Variants in GAB2 observed in about 807,000 individuals in gnomAD.
The protein encoded by GAB2 is GRB2 associated binding protein 2.
GAB2 carries 26 observed loss-of-function variants against 65.5 expected under a neutral mutation model. The ratio of observed to expected loss-of-function variants is 0.40; its 90% CI spans 0.29 to 0.55. GAB2 has a LOEUF of 0.55. Among genes scored for constraint, GAB2 ranks in the 20% least tolerant of loss-of-function variants. The pLI, the probability that GAB2 is intolerant of heterozygous loss-of-function variation, is 0.53. For synonymous variants in GAB2, 321 were observed against 329.6 expected, an observed-to-expected ratio of 0.97 and a Z score of 0.28; for missense variants, 884 against 875.8, an observed-to-expected ratio of 1.01 and a Z score of -0.12.
In GAB2 at chr11:78,370,712, C is replaced by CCTGTGTGTATGTGT. The variant is rs58668713; in HGVS notation, c.75+46933_75+46934insACACATACACACAG. Among the ~76,000 whole-genome samples the CCTGTGTGTATGTGT allele has an allele frequency of 5.9e-3, 727 of 123,294 alleles. 5 individuals carry two copies. The highest frequency in any genetic ancestry group is 0.02 in the African/African-American group (697 of 34,650). The allele number at this position is 123,294 out of a possible 152,430, so 80.9% of individuals were successfully genotyped here. A position where few individuals can be genotyped will look rare whatever the true frequency, so the allele number is the denominator to read the frequency against. ...ACTACTAATATTGTATGTGTGTGTG[C>CCTGTGTGTATGTGT]GTGTGTGTGTGTATGTGTGTGTGTG... On this transcript the variant is annotated intron_variant, in intron 1 of 9. Coordinates refer to ENST00000361507, the MANE Select transcript of GAB2 (RefSeq NM_080491.3).
At chr11:78,302,005 G>A (rs1259620983) in intron 1 of GAB2, among the ~76,000 whole-genome samples, 1 of 152,136 alleles carries the variant, frequency 6.6e-6, no homozygotes, top group African/African-American at 2.4e-5. Flanking sequence ...GAATGAAACT[G>A]GATCCTCGTC....
intron 1 of GAB2, among the ~76,000 whole-genome samples, chr11:78,303,494 T>A (rs1277446119): frequency 1.3e-5 from 2 of 152,212 alleles, no homozygotes; most frequent in Non-Finnish European, 2.9e-5. Flanking sequence ...GTAGGCCTAT[T>A]TCTAGACTTC....
intron 1 of GAB2, among the ~76,000 whole-genome samples, chr11:78,404,775 A>T (rs2135086254): frequency 6.6e-6 from 1 of 152,380 alleles, no homozygotes; most frequent in South Asian, 2.1e-4. Flanking sequence ...GAAGAGAAGT[A>T]TAAAGAAGGG....
chr11:78,296,590 C>T (rs919368966), intron 1 of GAB2, among the ~76,000 whole-genome samples: 5 of 151,002 alleles, frequency 3.3e-5, no homozygotes, highest in African/African-American at 4.9e-5. Flanking sequence ...ACATGGTACC[C>T]GATATATGAC....
chr11:78,399,280 T>C (rs1198976000), intron 1 of GAB2, among the ~76,000 whole-genome samples: 1 of 152,158 alleles, frequency 6.6e-6, no homozygotes, highest in South Asian at 2.1e-4. Context: ...TAGCCCAATG[T>C]GAGAATGGCG....
At chr11:78,296,032 A>C (rs139436276) in intron 1 of GAB2, among the ~76,000 whole-genome samples, 1 of 152,308 alleles carries the variant, frequency 6.6e-6, no homozygotes, top group Non-Finnish European at 1.5e-5. Context: ...TCCACTTCAG[A>C]TCATCAGGCA....
intron 3 of GAB2, among the ~76,000 whole-genome samples, chr11:78,235,500 T>G (rs146720559): frequency 2.4e-3 from 372 of 152,220 alleles, no homozygotes; most frequent in African/African-American, 8.6e-3. Flanking sequence ...TTCCGAACAT[T>G]TATGCTCTGC....
At chr11:78,264,572 TG>T (rs1865825079) in intron 2 of GAB2, among the ~76,000 whole-genome samples, 1 of 145,624 alleles carries the variant, frequency 6.9e-6, no homozygotes, top group African/African-American at 2.5e-5. Flanking sequence ...AGCTAATTTT[TG>T]TATTTTTTTT....
In GAB2 at chr11:78,223,651, G is replaced by C. The variant is rs764839548; in HGVS notation, c.1328C>G (p.Ser443Trp). ...GTTGTCTTCAGAATTGGTGCTGTCC[G>C]ATCGGCCCACAATCATTTTCCCTGG... is the stretch of plus-strand genomic sequence containing the variant. ...FLPGKMIVGR[S>W]DSTNSEDNYV... Residue 443 changes from serine (S) to tryptophan (W), a missense_variant, in exon 6 of 10, where the codon TCG becomes TGG. Transcript: ENST00000361507. 1 of 1,606,316 alleles carries C rather than the reference G, an allele frequency of 6.2e-7. No individual in the cohort carries two copies. Among genetic ancestry groups the C allele is most frequent in the Non-Finnish European group, 8.5e-7 (1 of 1,176,032 alleles).
chr11:78,296,389 C>A (rs1334961728), intron 1 of GAB2, among the ~76,000 whole-genome samples: 1 of 152,190 alleles, frequency 6.6e-6, no homozygotes, highest in Non-Finnish European at 1.5e-5. Context: ...TTTGTTGATT[C>A]AGTAAGACTG....
intron 2 of GAB2, among the ~76,000 whole-genome samples, chr11:78,266,727 A>G (rs138097374): frequency 1.3e-5 from 2 of 152,310 alleles, no homozygotes; most frequent in East Asian, 3.9e-4. Context: ...GGCAGAGAGA[A>G]TCACTAAGAG....
chr11:78,280,788 C>A lies in GAB2; in HGVS notation c.189G>T (p.Leu63=). 1.9e-6 allele frequency: 3 copies of A among 1,614,164 alleles called. No individual in the cohort carries two copies. The highest frequency in any genetic ancestry group is 2.5e-6 in the Non-Finnish European group (3 of 1,180,014). ...CTGCATCTACCTGCTCACAGAAGTT[C>A]AGGTTGATGATCCGCAGAGGCTTCT... ...HSKKPLRIIN[L]NFCEQVDAGL... Residue 63 remains leucine (L), a synonymous_variant, in exon 2 of 10, where the codon CTG becomes CTT. Coordinates refer to ENST00000361507, the MANE Select transcript of GAB2 (RefSeq NM_080491.3).
chr11:78,228,676 G>A (rs1197107292), intron 3 of GAB2, among the ~76,000 whole-genome samples: 1 of 152,168 alleles, frequency 6.6e-6, no homozygotes, highest in Non-Finnish European at 1.5e-5. Context: ...AGGAATTCCA[G>A]GTCAGTCTCC....
chr11:78,247,170 T>TC (rs1865322470), intron 3 of GAB2, among the ~76,000 whole-genome samples: 1 of 152,236 alleles, frequency 6.6e-6, no homozygotes, highest in African/African-American at 2.4e-5. Flanking sequence ...GACAAAAAGT[T>TC]CATCTCTGTG....
In GAB2 at chr11:78,219,225, G is replaced by A. The variant is rs1251646179; in HGVS notation, c.*47C>T. The stretch of plus-strand genomic sequence containing the variant: ...AGAGGGGAGAGGGGAGATGGGAAGG[G>A]CCAGCTCTGGAGATGCTGCCTCCTG... On this transcript the variant is annotated 3_prime_UTR_variant, in exon 10 of 10. Coordinates refer to ENST00000361507, the MANE Select transcript of GAB2 (RefSeq NM_080491.3). The A allele has an allele frequency of 6.3e-7, 1 of 1,579,898 alleles. No homozygotes were observed.
rs73494603 is a variant in GAB2 at position 78,259,830 on chromosome 11, A to C, written c.377-9430T>G. Among the ~76,000 whole-genome samples, 787 of 152,308 alleles carry C rather than the reference A, an allele frequency of 5.2e-3. 5 individuals are homozygous for C. Among genetic ancestry groups the C allele is most frequent in the African/African-American group, 0.018 (759 of 41,554 alleles). On this transcript the variant is annotated intron_variant, in intron 2 of 9. Transcript: ENST00000361507. The stretch of plus-strand genomic sequence containing the variant: ...ACAGAAGGTCAGAAATGAACCCTGG[A>C]ATAAGAATTCAGAACTTACTCCAAG...
chr11:78,385,070 T>C (rs756403671), intron 1 of GAB2, among the ~76,000 whole-genome samples: 7 of 152,176 alleles, frequency 4.6e-5, no homozygotes, highest in Non-Finnish European at 4.4e-5. Flanking sequence ...GACTATCCTA[T>C]AATATCGGTT....
intron 3 of GAB2, among the ~76,000 whole-genome samples, chr11:78,244,624 T>C (rs1206284150): frequency 1.5e-5 from 2 of 135,194 alleles, no homozygotes. Flanking sequence ...AAAATAGTTA[T>C]CTTTCAAACG....
At chr11:78,255,152 T>C (rs1227005817) in intron 2 of GAB2, among the ~76,000 whole-genome samples, 1 of 152,030 alleles carries the variant, frequency 6.6e-6, no homozygotes, top group African/African-American at 2.4e-5. Context: ...CCATGTGATG[T>C]ATGGGTCAAG....
Sources: allele counts gnomAD v4.1 joint callset (sites outside exome capture counted in the v4.1 genomes callset), GRCh38; gene constraint gnomAD v4.1.1; transcripts MANE v1.5; gene names NCBI Gene and HGNC (gene_info 2026-07-23, HGNC 2026-07-21).